The following ADAMTS17 variants were observed in gnomAD, a reference collection of about 807,000 sequenced individuals.
ADAMTS17 encodes A disintegrin and metalloproteinase with thrombospondin motifs 17.
ADAMTS17 carries 113 observed loss-of-function variants against 141.5 expected under a neutral mutation model. The ratio of observed to expected loss-of-function variants is 0.80; its 90% CI spans 0.69 to 0.93. ADAMTS17 has a LOEUF of 0.93. Among genes scored for constraint, ADAMTS17 ranks in the 40% least tolerant of loss-of-function variants. The pLI is 0.00. For synonymous variants in ADAMTS17, 768 were observed against 630.6 expected (o/e 1.22, Z -3.27); for missense variants, 1,659 against 1,517.9 (o/e 1.09, Z -1.54).
intron 12 of ADAMTS17, among the ~76,000 whole-genome samples, chr15:100,126,688 G>A (rs954435988): frequency 1.3e-5 from 2 of 152,366 alleles, no homozygotes; most frequent in Middle Eastern, 3.4e-3. Context: ...TTAGGGATGT[G>A]TTTTGGAGGC....
rs2041371624 is a variant in ADAMTS17 at position 100,202,456 on chromosome 15, A to G, written c.1076-3033T>C. ...GAGCAAGGAAAAACACATAAAAGAA[A>G]CAGCTCCTGATAACAGAGCACAAGA... On this transcript the variant is annotated intron_variant, in intron 7 of 21. Transcript: ENST00000268070. 2.0e-5 allele frequency among the ~76,000 whole-genome samples: 3 copies of G among 152,356 alleles called. No homozygotes were observed. In the South Asian group the frequency reaches 6.2e-4, roughly 32 times the overall value.
At chr15:100,017,624 G>T (rs570415267) in intron 18 of ADAMTS17, among the ~76,000 whole-genome samples, 1 of 152,304 alleles carries the variant, frequency 6.6e-6, no homozygotes, top group South Asian at 2.1e-4. Context: ...CCCGAAAACA[G>T]ACCTTCATTT....
At chr15:99,989,274 G>T (rs1323901129) in intron 20 of ADAMTS17, among the ~76,000 whole-genome samples, 1 of 152,236 alleles carries the variant, frequency 6.6e-6, no homozygotes, top group Non-Finnish European at 1.5e-5. Flanking sequence ...GGAAAGCAGT[G>T]CTAGGTGCCC....
intron 4 of ADAMTS17, among the ~76,000 whole-genome samples, chr15:100,280,777 G>A (rs191417579): frequency 8.5e-5 from 13 of 152,266 alleles, no homozygotes; most frequent in Admixed American, 4.6e-4. Flanking sequence ...ATAGACAGAC[G>A]TGGGCATCCT....
Position 100,116,863 on chromosome 15 carries a change from T to C in ADAMTS17, c.1872A>G (p.Thr624=), listed in dbSNP as rs765429070. The C allele has an allele frequency of 1.4e-5, 23 of 1,614,046 alleles. No homozygotes were observed. In the Admixed American group the frequency reaches 2.0e-4, roughly 14 times the overall value. ...RLSPKKKGLL[T]AVVVDDKPCE... ...TGCCTTTACCGTCAACCACCACGGC[T>C]GTCAGCAGGCCTTTCTTCTTGGGGC... The change falls in exon 13 of 22, where the codon ACA becomes ACG. Residue 624 remains threonine, a synonymous_variant. Transcript: ENST00000268070.
chr15:100,253,326 G>A (rs2043211106), intron 7 of ADAMTS17, among the ~76,000 whole-genome samples: 1 of 136,398 alleles, frequency 7.3e-6, no homozygotes, highest in Admixed American at 7.4e-5. Flanking sequence ...GGAGAGAAAG[G>A]AAAATGGCAG....
chr15:100,292,987 G>C (rs925727744), intron 3 of ADAMTS17, among the ~76,000 whole-genome samples: 2 of 152,062 alleles, frequency 1.3e-5, no homozygotes, highest in Non-Finnish European at 2.9e-5. Context: ...CAGTATTGTC[G>C]ACATCATTTT....
At chr15:100,111,800 T>G (rs968158864) in intron 13 of ADAMTS17, among the ~76,000 whole-genome samples, 2 of 152,234 alleles carry the variant, frequency 1.3e-5, no homozygotes, top group African/African-American at 4.8e-5. Flanking sequence ...TATCTATTCG[T>G]TTCAGGTGGG....
chr15:100,288,427 AAC>A (rs1171034717), intron 3 of ADAMTS17, among the ~76,000 whole-genome samples: 1 of 152,214 alleles, frequency 6.6e-6, no homozygotes, highest in Non-Finnish European at 1.5e-5. Flanking sequence ...TGGAGACTTC[AAC>A]ACCCTACTGA....
intron 14 of ADAMTS17, among the ~76,000 whole-genome samples, chr15:100,097,236 T>C (rs547136498): frequency 1.2e-4 from 19 of 152,328 alleles, no homozygotes; most frequent in African/African-American, 4.3e-4. Context: ...ATTGGGTAAT[T>C]ATTTACTAGC....
chr15:100,234,757 T>G (rs954782935), intron 7 of ADAMTS17, among the ~76,000 whole-genome samples: 8 of 152,048 alleles, frequency 5.3e-5, no homozygotes, highest in Non-Finnish European at 1.0e-4. Flanking sequence ...CTCTGACTGC[T>G]GCCTCTCCGG....
chr15:100,222,082 C>A (rs2042151544), intron 7 of ADAMTS17, among the ~76,000 whole-genome samples: 1 of 152,230 alleles, frequency 6.6e-6, no homozygotes, highest in Non-Finnish European at 1.5e-5. Context: ...TCATGGCAGT[C>A]TGATCTCACC....
At chr15:100,233,733 C>T (rs951603087) in intron 7 of ADAMTS17, among the ~76,000 whole-genome samples, 4 of 151,996 alleles carry the variant, frequency 2.6e-5, no homozygotes, top group African/African-American at 7.3e-5. Flanking sequence ...AGAGACCTAA[C>T]GGTGGGAAGA....
intron 12 of ADAMTS17, among the ~76,000 whole-genome samples, chr15:100,119,043 T>TACACAC (rs60655404): frequency 2.7e-5 from 4 of 148,700 alleles, no homozygotes; most frequent in South Asian, 2.2e-4. Context: ...CATCTGGAGA[T>TACACAC]ACACACACAC....
rs1335415415 is a variant in ADAMTS17 at position 100,063,702 on chromosome 15, T to C, written c.2138-9648A>G. 5 of 1,289,828 alleles carry C rather than the reference T, an allele frequency of 3.9e-6. No individual in the cohort carries two copies. In the Admixed American group the frequency reaches 9.2e-5, roughly 24 times the overall value. The allele number at this position is 1,289,828 out of a possible 1,614,324, so 79.9% of individuals were successfully genotyped here. A position where few individuals can be genotyped will look rare whatever the true frequency, so the allele number is the denominator to read the frequency against. ...ACCCAGAAAGCTGTGGGCAGGTTTA[T>C]CCTCCACCACACGGATCCTCCGAGC... On this transcript the variant is annotated intron_variant, in intron 15 of 21. Coordinates refer to ENST00000268070, the MANE Select transcript of ADAMTS17 (RefSeq NM_139057.4).
At chr15:100,231,676 A>G (rs1223017534) in intron 7 of ADAMTS17, among the ~76,000 whole-genome samples, 2 of 152,198 alleles carry the variant, frequency 1.3e-5, no homozygotes, top group Non-Finnish European at 2.9e-5. Flanking sequence ...TTCTCAGGGC[A>G]GGAGTGAGTT....
chr15:100,244,984 AG>A (rs1395704178), intron 7 of ADAMTS17, among the ~76,000 whole-genome samples: 1 of 152,188 alleles, frequency 6.6e-6, no homozygotes, highest in African/African-American at 2.4e-5. Context: ...ATAAAGGGTC[AG>A]GCTGACTCCG....
chr15:100,023,425 G>A (rs531918259), intron 18 of ADAMTS17, among the ~76,000 whole-genome samples: 41 of 151,842 alleles, frequency 2.7e-4, no homozygotes, highest in South Asian at 1.0e-3. Flanking sequence ...GGCTGGTCTC[G>A]AACCTCCTGA....
chr15:100,036,658 G>C (rs1003291647), intron 18 of ADAMTS17, among the ~76,000 whole-genome samples: 1 of 152,184 alleles, frequency 6.6e-6, no homozygotes, highest in Non-Finnish European at 1.5e-5. Flanking sequence ...ACAATTCAAT[G>C]GTTTTCACTA....
Sources: gnomAD v4.1 joint callset for allele counts (sites outside exome capture counted in the v4.1 genomes callset) on GRCh38, gnomAD v4.1.1 for gene constraint, MANE v1.5 for transcripts, NCBI Gene and HGNC (gene_info 2026-07-23, HGNC 2026-07-21) for gene names.